Variants in PDE9A observed in about 807,000 individuals in gnomAD.
PDE9A encodes phosphodiesterase 9A, also known as high affinity cGMP-specific 3',5'-cyclic phosphodiesterase 9A.
A neutral mutation model predicts 87.4 loss-of-function variants in PDE9A; 60 were observed. The ratio of observed to expected loss-of-function variants is 0.69; its 90% confidence interval spans 0.56 to 0.85. The LOEUF is 0.85. Ranked by LOEUF, PDE9A falls within the 40% of genes least tolerant of loss-of-function variation. The pLI, the probability that PDE9A is intolerant of heterozygous loss-of-function variation, is 0.00. For missense variants in PDE9A, 665 were observed against 779.0 expected (o/e 0.85, Z 1.74); for synonymous variants, 272 against 279.4 (o/e 0.97, Z 0.27).
chr21:42,760,307 C>G lies in PDE9A; in HGVS notation c.898-21C>G, dbSNP rs765739255. On this transcript the variant is annotated intron_variant, in intron 11 of 19. Coordinates refer to ENST00000291539, the MANE Select transcript of PDE9A (RefSeq NM_002606.3). This position sits in a 1 kb window ranked among gnomAD's most constrained non-coding sequence, Gnocchi z 5.2. Reference sequence around the variant, plus strand: ...GGGCGGGCCCAGGCACAGGGTGACTCGGACCCCCTGCCTCCCGCAGTTCTG... The same window carrying G: ...GGGCGGGCCCAGGCACAGGGTGACTGGGACCCCCTGCCTCCCGCAGTTCTG... 3 of 1,477,742 alleles carry G rather than the reference C, an allele frequency of 2.0e-6. No homozygotes were observed. The highest frequency in any genetic ancestry group is 2.2e-5 in the South Asian group (2 of 89,142). The allele number at this position is 1,477,742 out of a possible 1,614,324, so 91.5% of individuals were successfully genotyped here. A position where few individuals can be genotyped will look rare whatever the true frequency, so the allele number is the denominator to read the frequency against.
At chr21:42,714,939 T>C (rs34129365) in intron 4 of PDE9A, among the ~76,000 whole-genome samples, 3 of 146,754 alleles carry the variant, frequency 2.0e-5, no homozygotes, top group South Asian at 2.2e-4. Flanking sequence ...TAGCTCTACC[T>C]GTCTTTGTTC....
rs1057028810 is a variant in PDE9A at position 42,767,057 on chromosome 21, C to T, written c.1357-1131C>T. On this transcript the variant is annotated intron_variant, in intron 15 of 19. Transcript: ENST00000291539. ...TTCCGTTTATCCCAACGACCTGCAC[C>T]GCGGGGTCAGATGACAAGCAGCACG... Among the ~76,000 whole-genome samples, 43 of 152,110 alleles carry T rather than the reference C, an allele frequency of 2.8e-4. 1 individual carries two copies. Among genetic ancestry groups the T allele is most frequent in the Non-Finnish European group, 7.3e-5 (5 of 68,036 alleles).
chr21:42,742,817 C>G (rs950032247), intron 7 of PDE9A, among the ~76,000 whole-genome samples: 1 of 152,016 alleles, frequency 6.6e-6, no homozygotes, highest in Admixed American at 6.6e-5. Context: ...GAAGACCAGA[C>G]GAGCCAGTTT....
At chr21:42,741,428 G>A (rs565895843) in intron 7 of PDE9A, 2 of 152,330 alleles carry the variant, frequency 1.3e-5, no homozygotes, top group African/African-American at 4.8e-5. Context: ...AAGACGTCCC[G>A]ACCTCAGACC....
At chr21:42,769,316 CA>C (rs1486722370) in intron 17 of PDE9A, among the ~76,000 whole-genome samples, 161 bp downstream of exon 17, 3 of 151,036 alleles carry the variant, frequency 2.0e-5, no homozygotes, top group Non-Finnish European at 4.4e-5. Context: ...GGCACATACA[CA>C]TATACACACA....
chr21:42,769,889 G>A (rs982026447), intron 17 of PDE9A, among the ~76,000 whole-genome samples: 2 of 152,110 alleles, frequency 1.3e-5, no homozygotes, highest in East Asian at 1.9e-4. Flanking sequence ...AGCCTGGCCC[G>A]TGACCCCAGC....
At chr21:42,682,454 G>A (rs1481403549) in intron 1 of PDE9A, among the ~76,000 whole-genome samples, 1 of 152,212 alleles carries the variant, frequency 6.6e-6, no homozygotes, top group East Asian at 1.9e-4. Context: ...TTGCATAGAG[G>A]TGGCAAGAGT....
intron 10 of PDE9A, among the ~76,000 whole-genome samples, chr21:42,756,094 C>T (rs529847206): frequency 2.6e-5 from 4 of 152,364 alleles, no homozygotes; most frequent in South Asian, 2.1e-4. Context: ...AGACAGCTCC[C>T]GGCAGCTGGA....
At chr21:42,698,323 T>C (rs1160486861) in intron 3 of PDE9A, among the ~76,000 whole-genome samples, 9 of 152,176 alleles carry the variant, frequency 5.9e-5, no homozygotes, top group Admixed American at 5.9e-4. Context: ...CTTGTGTGGA[T>C]TTTTTCTTAC....
At chr21:42,698,630 A>G (rs1475049175) in intron 3 of PDE9A, among the ~76,000 whole-genome samples, 1 of 152,176 alleles carries the variant, frequency 6.6e-6, no homozygotes, top group Non-Finnish European at 1.5e-5. Flanking sequence ...GGCCACCTGC[A>G]TCCGCCAGGT....
chr21:42,663,009 C>CCA (rs751256674), intron 1 of PDE9A, among the ~76,000 whole-genome samples: 23 of 148,378 alleles, frequency 1.6e-4, no homozygotes, highest in African/African-American at 5.5e-4. Context: ...CACACGCACA[C>CCA]CACACACACG....
intron 1 of PDE9A, among the ~76,000 whole-genome samples, chr21:42,662,794 GCA>G (rs1169486650): frequency 4.9e-4 from 47 of 95,016 alleles, no homozygotes; most frequent in African/African-American, 1.5e-3. Flanking sequence ...CACACACCAA[GCA>G]CACACACACC....
intron 15 of PDE9A, chr21:42,765,695 G>A: frequency 1.8e-6 from 1 of 566,382 alleles, no homozygotes; most frequent in Admixed American, 3.0e-5. Flanking sequence ...CCTCCTTCAT[G>A]GTCAGAGGCA....
intron 10 of PDE9A, among the ~76,000 whole-genome samples, chr21:42,756,358 A>G (rs377488545): frequency 2.6e-4 from 40 of 152,116 alleles, no homozygotes; most frequent in African/African-American, 9.4e-4. Flanking sequence ...GCCCCACAAA[A>G]CTGCATCTGG....
chr21:42,763,387 CAG>C (rs35157831), intron 14 of PDE9A, among the ~76,000 whole-genome samples: 3,222 of 152,276 alleles, frequency 0.021, 54 homozygotes, highest in Non-Finnish European at 0.031. Flanking sequence ...GACGAGGAGA[CAG>C]AGTAGAAAAC....
Position 42,731,805 on chromosome 21 carries a change from C to A in PDE9A, c.298C>A (p.Gln100Lys), listed in dbSNP as rs2146718107. Residue 100 changes from glutamine to lysine, a missense_variant, in exon 5 of 20, where the codon CAG (glutamine) becomes AAG (lysine). Coordinates refer to ENST00000291539, the MANE Select transcript of PDE9A (RefSeq NM_002606.3). Reference sequence around the variant, plus strand: ...GGACAAGAGAACCACAAGCCGTGGCCAGTCTGCTGAGAGACCACTGAGGGA... The same window carrying A: ...GGACAAGAGAACCACAAGCCGTGGCAAGTCTGCTGAGAGACCACTGAGGGA... Reference protein sequence around the residue: ...VEDKRTTSRGQSAERPLRDRR... With the variant: ...VEDKRTTSRGKSAERPLRDRR... 6.2e-7 allele frequency: 1 copy of A among 1,614,156 alleles called. No individual in the cohort carries two copies. Among genetic ancestry groups the A allele is most frequent in the South Asian group, 1.1e-5 (1 of 91,074 alleles).
intron 4 of PDE9A, among the ~76,000 whole-genome samples, chr21:42,716,739 A>G (rs2049954535): frequency 7.4e-6 from 1 of 134,480 alleles, no homozygotes; most frequent in Non-Finnish European, 1.6e-5. Context: ...ATACAATATT[A>G]TAATTTCCTT....
At chr21:42,654,049 G>C (rs1273630259) in intron 1 of PDE9A, among the ~76,000 whole-genome samples, 166 bp downstream of exon 1, 1 of 151,372 alleles carries the variant, frequency 6.6e-6, no homozygotes, top group Non-Finnish European at 1.5e-5. Context: ...CGGCTCCCCG[G>C]GGAAAGGGGC....
chr21:42,713,414 G>A (rs375122755), intron 4 of PDE9A, among the ~76,000 whole-genome samples: 38 of 152,376 alleles, frequency 2.5e-4, no homozygotes, highest in South Asian at 2.1e-3. Flanking sequence ...GATTACAGGC[G>A]TGAGCCACAG....
Sources: allele counts gnomAD v4.1 joint callset (sites outside exome capture counted in the v4.1 genomes callset), GRCh38; gene constraint gnomAD v4.1.1; non-coding constraint Gnocchi (gnomAD v3.1); transcripts MANE v1.5; gene names NCBI Gene and HGNC (gene_info 2026-07-23, HGNC 2026-07-21).